The following CNTN5 variants were observed in gnomAD, a reference collection of about 807,000 sequenced individuals.
CNTN5 encodes contactin-5.
A neutral mutation model predicts 129.1 loss-of-function variants in CNTN5; 77 were observed. The ratio of observed to expected loss-of-function variants is 0.60; its 90% CI spans 0.50 to 0.72. CNTN5 has a LOEUF of 0.72. Among genes scored for constraint, CNTN5 ranks in the 30% least tolerant of loss-of-function variants. The pLI is 0.00. For synonymous variants in CNTN5, 509 were observed against 465.6 expected (o/e 1.09, Z -1.20); for missense variants, 1,478 against 1,328.8 (o/e 1.11, Z -1.75).
intron 1 of CNTN5, among the ~76,000 whole-genome samples, chr11:99,293,059 G>C (rs924142827): frequency 1.3e-5 from 2 of 152,140 alleles, no homozygotes; most frequent in Admixed American, 6.5e-5. Context: ...GAAGTTAACT[G>C]TGGGTTTGTC....
At chr11:99,283,579 A>G (rs746459011) in intron 1 of CNTN5, among the ~76,000 whole-genome samples, 1 of 152,180 alleles carries the variant, frequency 6.6e-6, no homozygotes, top group Non-Finnish European at 1.5e-5. Flanking sequence ...TATATGACAT[A>G]GTGATACTTG....
At chr11:100,122,200 G>A (rs1384800506) in intron 13 of CNTN5, among the ~76,000 whole-genome samples, 2 of 151,952 alleles carry the variant, frequency 1.3e-5, no homozygotes, top group Non-Finnish European at 2.9e-5. Context: ...TTGAAGACCT[G>A]AGAACGGGGT....
chr11:99,987,592 A>T (rs1168449366), intron 8 of CNTN5, among the ~76,000 whole-genome samples: 1 of 151,446 alleles, frequency 6.6e-6, no homozygotes, highest in African/African-American at 2.4e-5. Flanking sequence ...GAGGAAAGAG[A>T]TTAACTTGGT....
intron 3 of CNTN5, among the ~76,000 whole-genome samples, chr11:99,727,522 C>G (rs1370289784): frequency 6.6e-6 from 1 of 151,756 alleles, no homozygotes; most frequent in East Asian, 1.9e-4. Flanking sequence ...TTAATTGTTT[C>G]ATAGTTGTAA....
At chr11:99,508,686 C>CTTTCTTTTTTTTTTTTTTT (rs11281160) in intron 2 of CNTN5, among the ~76,000 whole-genome samples, 20 of 146,844 alleles carry the variant, frequency 1.4e-4, no homozygotes, top group South Asian at 4.3e-4. Flanking sequence ...TCTTTTCTTT[C>CTTTCTTTTTTTTTTTTTTT]TTTTTTTTTT....
At chr11:99,289,947 A>G (rs1010369826) in intron 1 of CNTN5, among the ~76,000 whole-genome samples, 2 of 151,810 alleles carry the variant, frequency 1.3e-5, no homozygotes, top group African/African-American at 4.8e-5. Context: ...AACTTACATT[A>G]CTAAGTACTT....
intron 3 of CNTN5, among the ~76,000 whole-genome samples, chr11:99,564,454 A>T (rs1275899762): frequency 6.6e-6 from 1 of 152,182 alleles, no homozygotes; most frequent in Admixed American, 6.6e-5. Flanking sequence ...TTTCAAATAC[A>T]GTAGCAGTGA....
intron 21 of CNTN5, among the ~76,000 whole-genome samples, chr11:100,317,313 G>T (rs1951590585): frequency 6.6e-6 from 1 of 152,094 alleles, no homozygotes. Context: ...TGTGAAGATG[G>T]ACTTTAAGAT....
intron 3 of CNTN5, among the ~76,000 whole-genome samples, chr11:99,810,382 T>G (rs918257557): frequency 2.0e-5 from 3 of 152,160 alleles, no homozygotes; most frequent in African/African-American, 7.2e-5. Context: ...ATACCAGGAA[T>G]GCAGTGCCGT....
chr11:100,099,980 A>G (rs1945163419), intron 13 of CNTN5, among the ~76,000 whole-genome samples: 1 of 152,112 alleles, frequency 6.6e-6, no homozygotes. Context: ...TGAAATGTGG[A>G]AATTTTCACT....
rs184330790 is a variant in CNTN5 at position 99,481,268 on chromosome 11, C to A, written c.-70-74877C>A. Among the ~76,000 whole-genome samples, 535 of 152,268 alleles carry A rather than the reference C, an allele frequency of 3.5e-3. 3 individuals are homozygous for A. Among genetic ancestry groups the A allele is most frequent in the Non-Finnish European group, 5.9e-3 (399 of 68,006 alleles). On this transcript the variant is annotated intron_variant, in intron 2 of 24. Coordinates refer to ENST00000524871, the MANE Select transcript of CNTN5 (RefSeq NM_014361.4). ...TCTCAGGATATTTTCTCACAATTAT[C>A]TACATCATATCATGCTAATTAAAGC... is the stretch of plus-strand genomic sequence containing the variant.
intron 8 of CNTN5, among the ~76,000 whole-genome samples, chr11:99,997,970 ACT>A (rs1163994287): frequency 6.6e-6 from 1 of 152,054 alleles, no homozygotes; most frequent in Non-Finnish European, 1.5e-5. Context: ...CATGCTAAAA[ACT>A]CTCAATAAAT....
chr11:99,268,946 C>A (rs1469032162), intron 1 of CNTN5, among the ~76,000 whole-genome samples: 1 of 151,946 alleles, frequency 6.6e-6, no homozygotes, highest in Non-Finnish European at 1.5e-5. Context: ...GAGTCTTCTT[C>A]CGCAAAATCA....
intron 13 of CNTN5, among the ~76,000 whole-genome samples, chr11:100,091,346 C>G (rs557245071): frequency 6.6e-6 from 1 of 151,700 alleles, no homozygotes. Context: ...TGTTACTTCT[C>G]TCACACATCT....
chr11:99,956,808 A>T lies in CNTN5; in HGVS notation c.676A>T (p.Ile226Phe). The T allele has an allele frequency of 1.2e-6, 2 of 1,613,156 alleles. No homozygotes were observed. Among genetic ancestry groups the T allele is most frequent in the Admixed American group, 1.7e-5 (1 of 59,916 alleles). ...GACCAAATTTTGTGTATTTTCAGAG[A>T]TCATCTATAGCTGGGTATTTAATGA... is the stretch of plus-strand genomic sequence containing the variant. ...MCSPPPHSPE[I>F]IYSWVFNEFP... Residue 226 changes from isoleucine to phenylalanine, a missense_variant and splice_region_variant, in exon 8 of 25, where the codon ATC becomes TTC. Coordinates refer to ENST00000524871, the MANE Select transcript of CNTN5 (RefSeq NM_014361.4).
At chr11:99,699,210 A>G (rs948992280) in intron 3 of CNTN5, among the ~76,000 whole-genome samples, 6 of 151,506 alleles carry the variant, frequency 4.0e-5, no homozygotes, top group African/African-American at 1.4e-4. Flanking sequence ...TTCCTAAGCA[A>G]TGACACTTTA....
intron 1 of CNTN5, among the ~76,000 whole-genome samples, chr11:99,144,045 T>G (rs2135469532): frequency 6.6e-6 from 1 of 152,336 alleles, no homozygotes; most frequent in Non-Finnish European, 1.5e-5. Flanking sequence ...ATAATGAATA[T>G]ACATTTTATA....
intron 23 of CNTN5, among the ~76,000 whole-genome samples, chr11:100,343,044 A>T (rs1449905522): frequency 6.6e-6 from 1 of 152,202 alleles, no homozygotes; most frequent in African/African-American, 2.4e-5. Flanking sequence ...TCATTAAAAA[A>T]CAGATACCAT....
intron 1 of CNTN5, among the ~76,000 whole-genome samples, chr11:99,030,553 A>G (rs1331681373): frequency 6.6e-6 from 1 of 152,294 alleles, no homozygotes; most frequent in East Asian, 1.9e-4. Flanking sequence ...TTCCCTTTAC[A>G]AAATTATTTA....
Sources: allele counts gnomAD v4.1 joint callset (sites outside exome capture counted in the v4.1 genomes callset), GRCh38; gene constraint gnomAD v4.1.1; transcripts MANE v1.5; gene names NCBI Gene and HGNC (gene_info 2026-07-23, HGNC 2026-07-21).